SLC44A1: variants seen among roughly 807,000 people sequenced by gnomAD.
SLC44A1 encodes choline transporter-like protein 1.
In SLC44A1, 26 loss-of-function variants were observed where a neutral mutation model predicts 79.3. The ratio of observed to expected loss-of-function variants is 0.33; its 90% CI spans 0.24 to 0.46. The LOEUF (loss-of-function observed/expected upper bound fraction) is 0.46, where lower values mean the gene tolerates loss of function less well. Among genes scored for constraint, SLC44A1 ranks in the 20% least tolerant of loss-of-function variants. The pLI is 1.00. For missense variants in SLC44A1, 688 were observed against 798.1 expected, an observed-to-expected ratio of 0.86 and a Z score of 1.66; for synonymous variants, 263 against 286.2, an observed-to-expected ratio of 0.92 and a Z score of 0.82.
chr9:105,428,621 T>A (rs1179965372), intron 15 of SLC44A1, among the ~76,000 whole-genome samples: 1 of 152,246 alleles, frequency 6.6e-6, no homozygotes, highest in Non-Finnish European at 1.5e-5. Context: ...ACAGTCAGCA[T>A]GGGCTGTGCT....
intron 1 of SLC44A1, among the ~76,000 whole-genome samples, chr9:105,298,456 G>A (rs1170994290): frequency 6.6e-6 from 1 of 152,104 alleles, no homozygotes; most frequent in Non-Finnish European, 1.5e-5. Context: ...GAATTCAAGC[G>A]GTTCTCCTGC....
At chr9:105,357,578 G>T (rs191966460) in intron 6 of SLC44A1, among the ~76,000 whole-genome samples, 1 of 152,204 alleles carries the variant, frequency 6.6e-6, no homozygotes, top group African/African-American at 2.4e-5. Context: ...TTTCAGAAAC[G>T]TATTTCCCAT....
In SLC44A1 at chr9:105,396,284, A is replaced by C; in HGVS notation, c.*7228A>C. On this transcript the variant is annotated 3_prime_UTR_variant, in exon 16 of 16. Transcript: ENST00000374720. ...TTCTAATAGAGCTTTAATCTAAAGA[A>C]GTTAGTTCAGTGGTTATTAACTGAT... is the stretch of plus-strand genomic sequence containing the variant. The C allele has an allele frequency of 1.0e-6, 1 of 985,342 alleles. No homozygotes were observed. The highest frequency in any genetic ancestry group is 4.7e-5 in the South Asian group (1 of 21,280). The allele number at this position is 985,342 out of a possible 1,614,324, so 61.0% of individuals were successfully genotyped here.
chr9:105,312,096 A>G (rs1831197286), intron 3 of SLC44A1, among the ~76,000 whole-genome samples: 1 of 152,182 alleles, frequency 6.6e-6, no homozygotes, highest in African/African-American at 2.4e-5. Context: ...AGCCGCTAGT[A>G]CAGTAGCTGG....
chr9:105,299,168 A>T (rs375556989), intron 1 of SLC44A1, 52 bp from the exon 2 acceptor site: 1 of 1,359,422 alleles, frequency 7.4e-7, no homozygotes, highest in African/African-American at 1.5e-5. Context: ...TGCCCTTCTA[A>T]CTTTAACTAA....
At chr9:105,257,809 A>G (rs1207609775) in intron 1 of SLC44A1, among the ~76,000 whole-genome samples, 2 of 152,212 alleles carry the variant, frequency 1.3e-5, no homozygotes, top group Non-Finnish European at 2.9e-5. Flanking sequence ...GCAGACAATA[A>G]CTTGCTGCTT....
At chr9:105,341,564 C>T (rs758258276) in intron 4 of SLC44A1, among the ~76,000 whole-genome samples, 1 of 152,102 alleles carries the variant, frequency 6.6e-6, no homozygotes, top group African/African-American at 2.4e-5. Context: ...ATACTTCTTG[C>T]AGTTGTGTAT....
chr9:105,399,616 G>A (rs557064443), downstream of SLC44A1, among the ~76,000 whole-genome samples: 1 of 152,218 alleles, frequency 6.6e-6, no homozygotes, highest in Admixed American at 6.5e-5. Flanking sequence ...TGTCAAAGAG[G>A]AAATCAAGAA....
Position 105,396,721 on chromosome 9 carries a change from CTT to C in SLC44A1, c.*7677_*7678del, listed in dbSNP as rs546061302. ...ATTTCTCAATCTGATGCCTTTTTGTCTTTTTTTTTTTTTGCCATTTGCATCCT... is the reference window on the plus strand; with the variant it reads ...ATTTCTCAATCTGATGCCTTTTTGTCTTTTTTTTTTTGCCATTTGCATCCT... On this transcript the variant is annotated 3_prime_UTR_variant, in exon 16 of 16. Coordinates refer to ENST00000374720, the MANE Select transcript of SLC44A1 (RefSeq NM_080546.5). 826 of 840,896 alleles carry C rather than the reference CTT, an allele frequency of 9.8e-4. No individual in the cohort carries two copies. The highest frequency in any genetic ancestry group is 1.9e-3 in the Middle Eastern group (3 of 1,618). The allele number at this position is 840,896 out of a possible 1,614,324, so 52.1% of individuals were successfully genotyped here.
intron 3 of SLC44A1, among the ~76,000 whole-genome samples, chr9:105,313,630 G>A (rs1398857130): frequency 6.6e-6 from 1 of 152,042 alleles, no homozygotes. Flanking sequence ...AATATATTTT[G>A]AACTCTGATT....
At chr9:105,294,595 G>A (rs1407771361) in intron 1 of SLC44A1, 1 of 152,070 alleles carries the variant, frequency 6.6e-6, no homozygotes, top group Non-Finnish European at 1.5e-5. Flanking sequence ...CTGCCTTCAA[G>A]AAGATCTTTG....
At chr9:105,402,090 AAAG>A (rs1374505607), downstream of SLC44A1, among the ~76,000 whole-genome samples, 19 of 152,222 alleles carry the variant, frequency 1.2e-4, no homozygotes, top group Admixed American at 6.5e-5. Context: ...TGTCCAGAGC[AAAG>A]AAGATGTGCG....
chr9:105,328,787 G>C (rs1826660719), intron 3 of SLC44A1, among the ~76,000 whole-genome samples: 1 of 152,172 alleles, frequency 6.6e-6, no homozygotes, highest in South Asian at 2.1e-4. Context: ...TTAGGTTTTA[G>C]TTTTAACAAA....
intron 4 of SLC44A1, among the ~76,000 whole-genome samples, chr9:105,342,879 C>T (rs1205533637): frequency 6.6e-6 from 1 of 151,892 alleles, no homozygotes; most frequent in Admixed American, 6.6e-5. Context: ...GTGATGCGTG[C>T]CTGTATTCCC....
chr9:105,416,877 A>G (rs1282416778), intron 15 of SLC44A1, among the ~76,000 whole-genome samples: 1 of 152,216 alleles, frequency 6.6e-6, no homozygotes, highest in Non-Finnish European at 1.5e-5. Flanking sequence ...TTTATCTGAC[A>G]GTGGTCAAAA....
At chr9:105,253,327 G>C (rs1207124855) in intron 1 of SLC44A1, among the ~76,000 whole-genome samples, 1 of 152,178 alleles carries the variant, frequency 6.6e-6, no homozygotes, top group Non-Finnish European at 1.5e-5. Flanking sequence ...TTAAGTAGCA[G>C]GGAAGGTATT....
At chr9:105,296,007 G>A (rs935950464) in intron 1 of SLC44A1, among the ~76,000 whole-genome samples, 14 of 152,194 alleles carry the variant, frequency 9.2e-5, no homozygotes, top group Non-Finnish European at 1.9e-4. Flanking sequence ...ATTTTAGTAC[G>A]TATAAGGGAA....
chr9:105,366,801 CT>C (rs1241041424), intron 12 of SLC44A1, among the ~76,000 whole-genome samples: 6 of 152,152 alleles, frequency 3.9e-5, no homozygotes, highest in Non-Finnish European at 8.8e-5. Flanking sequence ...TCCTAAGAAT[CT>C]GACTACTGTG....
At chr9:105,267,332 C>T (rs975585400) in intron 1 of SLC44A1, among the ~76,000 whole-genome samples, 1 of 152,132 alleles carries the variant, frequency 6.6e-6, no homozygotes, top group Non-Finnish European at 1.5e-5. Context: ...CATTTTTCAG[C>T]GATGGGCCTT....
Sources: gnomAD v4.1 joint callset for allele counts (sites outside exome capture counted in the v4.1 genomes callset) on GRCh38, gnomAD v4.1.1 for gene constraint, MANE v1.5 for transcripts, NCBI Gene and HGNC (gene_info 2026-07-23, HGNC 2026-07-21) for gene names.